Variants in WNT2B observed in about 807,000 individuals in gnomAD.
The protein encoded by WNT2B is protein Wnt-2b.
WNT2B carries 19 observed loss-of-function variants against 40.5 expected under a neutral mutation model. The observed-to-expected ratio is 0.47, with a 90% CI of 0.33 to 0.69. WNT2B has a LOEUF of 0.69. Among genes scored for constraint, WNT2B ranks in the 30% least tolerant of loss-of-function variants. The pLI is 0.02. For synonymous variants in WNT2B, 220 were observed against 211.9 expected (o/e 1.04, Z -0.33); for missense variants, 467 against 556.4 (o/e 0.84, Z 1.62).
chr1:112,503,631 A>G (rs1356602395), intron 1 of WNT2B, among the ~76,000 whole-genome samples: 1 of 152,174 alleles, frequency 6.6e-6, no homozygotes, highest in Non-Finnish European at 1.5e-5. Context: ...ACAAACGGTC[A>G]TACAGATTCA....
At chr1:112,502,200 G>T (rs1011592921) in intron 1 of WNT2B, among the ~76,000 whole-genome samples, 1 of 152,192 alleles carries the variant, frequency 6.6e-6, no homozygotes, top group East Asian at 1.9e-4. Context: ...CGGCCGTGGC[G>T]GACGCCGGGA....
At chr1:112,502,258 C>G (rs916118486) in intron 1 of WNT2B, among the ~76,000 whole-genome samples, 1 of 152,134 alleles carries the variant, frequency 6.6e-6, no homozygotes, top group Non-Finnish European at 1.5e-5. Flanking sequence ...TGCCCTCCAG[C>G]TGCCCGTCCC....
In WNT2B at chr1:112,471,927, A is replaced by G. The variant is rs575818816; in HGVS notation, c.-95+4336A>G. On this transcript the variant is annotated intron_variant, in intron 1 of 4. Transcript: ENST00000256640. ...GGTCAGTGATGCAGTGTACATAATT[A>G]TAAATGCAGCATACATATGAAGATG... 1.8e-4 allele frequency among the ~76,000 whole-genome samples: 27 copies of G among 152,352 alleles called. No individual in the cohort carries two copies. In the South Asian group the frequency reaches 5.6e-3, roughly 32 times the overall value.
At chr1:112,492,514 C>T (rs1437770790) in intron 1 of WNT2B, among the ~76,000 whole-genome samples, 1 of 152,078 alleles carries the variant, frequency 6.6e-6, no homozygotes, top group African/African-American at 2.4e-5. Flanking sequence ...GTTTTACCTC[C>T]TAGAGCTCAC....
At chr1:112,504,860 G>A (rs1013593300), upstream of WNT2B, among the ~76,000 whole-genome samples, 12 of 152,016 alleles carry the variant, frequency 7.9e-5, no homozygotes, top group African/African-American at 2.4e-4. Context: ...GAAGGTCATC[G>A]CCAAAGGGGC....
At chr1:112,516,991 C>A in intron 3 of WNT2B, 130 bp from the exon 4 acceptor site, 1 of 1,256,664 alleles carries the variant, frequency 8.0e-7, no homozygotes, top group Non-Finnish European at 1.1e-6. Context: ...TGGGAGAGAA[C>A]CGAGAGCTCA....
chr1:112,489,207 C>T (rs1651517639), intron 1 of WNT2B, among the ~76,000 whole-genome samples: 2 of 150,858 alleles, frequency 1.3e-5, no homozygotes, highest in African/African-American at 4.9e-5. Flanking sequence ...GAACTATGCA[C>T]ATCTATATAG....
At chr1:112,488,696 C>T (rs149349557) in intron 1 of WNT2B, among the ~76,000 whole-genome samples, 3,309 of 151,936 alleles carry the variant, frequency 0.022, 188 homozygotes, top group Admixed American at 0.13. Flanking sequence ...GGACTACAGG[C>T]GCTCGCCACC....
intron 1 of WNT2B, among the ~76,000 whole-genome samples, chr1:112,499,657 CA>C (rs1425098434): frequency 4.6e-5 from 7 of 152,276 alleles, no homozygotes; most frequent in Non-Finnish European, 7.4e-5. Flanking sequence ...GATTAAAAAA[CA>C]GGTACAAAAA....
At chr1:112,473,284 TAACAC>T (rs1278406885) in intron 1 of WNT2B, among the ~76,000 whole-genome samples, 2 of 151,682 alleles carry the variant, frequency 1.3e-5, no homozygotes, top group African/African-American at 4.8e-5. Flanking sequence ...CTGGTCAAAA[TAACAC>T]AATGACAGAA....
chr1:112,480,090 T>C (rs1355636189), intron 1 of WNT2B, among the ~76,000 whole-genome samples: 1 of 151,888 alleles, frequency 6.6e-6, no homozygotes, highest in Non-Finnish European at 1.5e-5. Context: ...TTGGGCACAG[T>C]GGCTCATGCC....
chr1:112,479,012 G>C (rs1165271507), intron 1 of WNT2B, among the ~76,000 whole-genome samples: 1 of 152,136 alleles, frequency 6.6e-6, no homozygotes, highest in Non-Finnish European at 1.5e-5. Flanking sequence ...CCTCAGGTCA[G>C]GAGTTTGAGA....
chr1:112,529,746 AAAG>A lies in WNT2B; in HGVS notation c.*9238_*9240del, dbSNP rs1654058897. On this transcript the variant is annotated 3_prime_UTR_variant, in exon 5 of 5. Transcript: ENST00000369684. ...TACTCTCAATGCCATCCAAAAGATA[AAAG>A]TTAAAAAAAAAAAAAAAAAAAAAGG... The A allele has an allele frequency of 6.6e-6, 1 of 150,988 alleles. No individual in the cohort carries two copies. The highest frequency in any genetic ancestry group is 1.5e-5 in the Non-Finnish European group (1 of 67,894). The allele number at this position is 150,988 out of a possible 1,614,324, so 9.4% of individuals were successfully genotyped here.
intron 1 of WNT2B, among the ~76,000 whole-genome samples, chr1:112,484,299 A>G (rs981326753): frequency 1.4e-5 from 2 of 143,164 alleles, no homozygotes; most frequent in Non-Finnish European, 3.0e-5. Context: ...ATACACACAC[A>G]TATATATAGA....
chr1:112,469,018 C>T (rs1650791318), intron 1 of WNT2B, among the ~76,000 whole-genome samples: 1 of 152,222 alleles, frequency 6.6e-6, no homozygotes, highest in African/African-American at 2.4e-5. Context: ...CATTCTTGTG[C>T]ATATGGTTAT....
At chr1:112,513,444 G>A (rs1158078938) in intron 1 of WNT2B, among the ~76,000 whole-genome samples, 2 of 151,886 alleles carry the variant, frequency 1.3e-5, no homozygotes. Context: ...CAGCCCTGCT[G>A]AGTTCCCGAA....
At chr1:112,489,960 C>T (rs1651546489) in intron 1 of WNT2B, among the ~76,000 whole-genome samples, 1 of 152,034 alleles carries the variant, frequency 6.6e-6, no homozygotes, top group Non-Finnish European at 1.5e-5. Context: ...AAGTCTAATA[C>T]AAGCTTCATG....
chr1:112,520,794 A>T lies in WNT2B; in HGVS notation c.*285A>T. The T allele has an allele frequency of 2.2e-6, 1 of 462,166 alleles. No homozygotes were observed. Among genetic ancestry groups the T allele is most frequent in the African/African-American group, 1.9e-5 (1 of 51,860 alleles). 28.6% of individuals were successfully genotyped at this position (462,166 alleles called of 1,614,324 possible). On this transcript the variant is annotated 3_prime_UTR_variant, in exon 5 of 5. Coordinates refer to ENST00000369684, the MANE Select transcript of WNT2B (RefSeq NM_024494.3). ...GGGTCTTTAGAGTGAAATGAGTTGC[A>T]CTAAAGTACGTAGTTGAGGCTCCTT...
At chr1:112,498,738 A>G (rs1373659680) in intron 1 of WNT2B, among the ~76,000 whole-genome samples, 2 of 152,200 alleles carry the variant, frequency 1.3e-5, no homozygotes, top group Non-Finnish European at 2.9e-5. Context: ...TATTTTTACC[A>G]GCATTCTGGT....
Sources: allele counts gnomAD v4.1 joint callset (sites outside exome capture counted in the v4.1 genomes callset), GRCh38; gene constraint gnomAD v4.1.1; transcripts MANE v1.5; gene names NCBI Gene and HGNC (gene_info 2026-07-23, HGNC 2026-07-21).